The following BMPR1B variants were observed in gnomAD, a reference collection of about 807,000 sequenced individuals.
BMPR1B encodes the protein bone morphogenetic protein receptor type 1B.
Under a neutral mutation model 59.1 loss-of-function variants are expected in BMPR1B, and 12 were observed. The ratio of observed to expected loss-of-function variants is 0.20; its 90% confidence interval spans 0.13 to 0.33. The LOEUF (loss-of-function observed/expected upper bound fraction) is 0.33. Among genes scored for constraint, BMPR1B ranks in the 10% least tolerant of loss-of-function variants. BMPR1B has a pLI of 1.00. For synonymous variants in BMPR1B, 237 were observed against 207.3 expected, an observed-to-expected ratio of 1.14 and a Z score of -1.23; for missense variants, 550 against 610.9, an observed-to-expected ratio of 0.90 and a Z score of 1.05.
intron 1 of BMPR1B, among the ~76,000 whole-genome samples, chr4:94,843,949 A>T (rs1478483785): frequency 1.3e-5 from 2 of 152,160 alleles, no homozygotes; most frequent in African/African-American, 4.8e-5. Flanking sequence ...ATGAAATGTA[A>T]GCATAACCTT....
intron 10 of BMPR1B, among the ~76,000 whole-genome samples, chr4:95,141,367 T>C (rs532389121): frequency 6.6e-6 from 1 of 152,352 alleles, no homozygotes; most frequent in East Asian, 1.9e-4. Flanking sequence ...TGACTTCATA[T>C]GAGAACTTCC....
intron 4 of BMPR1B, among the ~76,000 whole-genome samples, chr4:95,107,644 C>T (rs754438633): frequency 2.6e-5 from 4 of 151,918 alleles, no homozygotes; most frequent in Non-Finnish European, 5.9e-5. Flanking sequence ...AAGAATGTAG[C>T]ACTATCTATG....
chr4:94,766,018 G>A (rs1021195214), intron 1 of BMPR1B, among the ~76,000 whole-genome samples: 1 of 152,090 alleles, frequency 6.6e-6, no homozygotes, highest in Admixed American at 6.6e-5. Context: ...TACATCATAG[G>A]GATGTTTGAG....
chr4:94,909,727 G>T (rs1254896059), intron 2 of BMPR1B, among the ~76,000 whole-genome samples: 1 of 152,024 alleles, frequency 6.6e-6, no homozygotes, highest in Non-Finnish European at 1.5e-5. Flanking sequence ...AGTTACAAGA[G>T]TTATACTATG....
At chr4:94,831,681 A>T (rs567592417) in intron 1 of BMPR1B, among the ~76,000 whole-genome samples, 5 of 152,344 alleles carry the variant, frequency 3.3e-5, no homozygotes, top group Admixed American at 6.5e-5. Flanking sequence ...AGTTGCCTAC[A>T]GCAGGGATCC....
chr4:94,945,895 T>C (rs1578834239), intron 2 of BMPR1B, among the ~76,000 whole-genome samples: 1 of 152,216 alleles, frequency 6.6e-6, no homozygotes, highest in Admixed American at 6.5e-5. Context: ...AATACTGTGA[T>C]GTGCAGAACA....
chr4:95,037,172 CT>C lies in BMPR1B; in HGVS notation c.-18+41039del, dbSNP rs551827641. Among the ~76,000 whole-genome samples, 176 of 152,230 alleles carry C rather than the reference CT, an allele frequency of 1.2e-3. 1 individual carries two copies. Among genetic ancestry groups the C allele is most frequent in the Non-Finnish European group, 1.8e-3 (120 of 68,012 alleles). On this transcript the variant is annotated intron_variant, in intron 3 of 12. Transcript: ENST00000515059. ...AGCTTCCGTGTTAGTGGAGTGCTAC[CT>C]CCCAGCATTAGAAAATGCCCAACAA...
In BMPR1B at chr4:95,141,802, TTAAAA is replaced by T. The variant is rs560008939; in HGVS notation, c.1077-6940_1077-6936del. Among the ~76,000 whole-genome samples, 647 of 152,198 alleles carry T rather than the reference TTAAAA, an allele frequency of 4.3e-3. 4 individuals carry two copies. Among genetic ancestry groups the T allele is most frequent in the African/African-American group, 0.015 (620 of 41,550 alleles). On this transcript the variant is annotated intron_variant, in intron 10 of 12. Coordinates refer to ENST00000515059, the MANE Select transcript of BMPR1B (RefSeq NM_001203.3). The stretch of plus-strand genomic sequence containing the variant: ...TGGCTTAGGGCTCTCTGGTATTAAA[TTAAAA>T]TAAAAAACCTGCAATAAAGACTAGG...
intron 4 of BMPR1B, among the ~76,000 whole-genome samples, chr4:95,108,549 G>T (rs879326386): frequency 6.6e-6 from 1 of 152,008 alleles, no homozygotes; most frequent in Non-Finnish European, 1.5e-5. Flanking sequence ...GGTTTTAGAG[G>T]CTTGTAAACT....
At chr4:95,086,787 C>G (rs1016465292) in intron 3 of BMPR1B, among the ~76,000 whole-genome samples, 2 of 152,124 alleles carry the variant, frequency 1.3e-5, no homozygotes, top group African/African-American at 4.8e-5. Flanking sequence ...CCAGGCTAAC[C>G]TTTATTTGCT....
At chr4:94,920,209 A>G (rs1402063021) in intron 2 of BMPR1B, among the ~76,000 whole-genome samples, 3 of 152,210 alleles carry the variant, frequency 2.0e-5, no homozygotes, top group African/African-American at 7.2e-5. Flanking sequence ...TAAAACTACA[A>G]ACAAAACTAC....
chr4:95,065,055 A>C (rs1183467212), intron 3 of BMPR1B, among the ~76,000 whole-genome samples: 2 of 152,198 alleles, frequency 1.3e-5, no homozygotes, highest in East Asian at 3.8e-4. Flanking sequence ...AAATGTGTCC[A>C]CAAAAAACTT....
intron 8 of BMPR1B, 44 bp from the exon 9 acceptor site, chr4:95,129,818 G>T: frequency 6.3e-7 from 1 of 1,590,360 alleles, no homozygotes; most frequent in Non-Finnish European, 8.6e-7. Context: ...AAACAAATCT[G>T]TAGCGCTGTG....
At chr4:95,116,421 G>GCGCGCGCGCGCGCGCACA in intron 6 of BMPR1B, among the ~76,000 whole-genome samples, 6 of 123,198 alleles carry the variant, frequency 4.9e-5, no homozygotes, top group African/African-American at 2.2e-4. Flanking sequence ...TTCAGCGCGC[G>GCGCGCGCGCGCGCGCACA]CACACACACA....
At chr4:94,915,956 C>G (rs1374344278) in intron 2 of BMPR1B, among the ~76,000 whole-genome samples, 1 of 152,128 alleles carries the variant, frequency 6.6e-6, no homozygotes, top group East Asian at 1.9e-4. Context: ...CACCTCCTTT[C>G]TCAGCCTCTT....
chr4:94,842,036 A>T (rs566921901), intron 1 of BMPR1B, among the ~76,000 whole-genome samples: 96 of 152,232 alleles, frequency 6.3e-4, no homozygotes, highest in African/African-American at 2.3e-3. Context: ...CTGATGATAC[A>T]CTCAGGAGTT....
chr4:94,932,718 G>C (rs946808898), intron 2 of BMPR1B, among the ~76,000 whole-genome samples: 1 of 152,016 alleles, frequency 6.6e-6, no homozygotes, highest in Non-Finnish European at 1.5e-5. Flanking sequence ...CAGATAAATA[G>C]ACATTACATT....
At chr4:94,758,563 C>T (rs1276121025) in intron 1 of BMPR1B, among the ~76,000 whole-genome samples, 1 of 152,070 alleles carries the variant, frequency 6.6e-6, no homozygotes, top group African/African-American at 2.4e-5. Flanking sequence ...GCGGGACCCG[C>T]AGGCACCCAC....
In BMPR1B at chr4:94,918,972, C is replaced by G. The variant is rs1728588139; in HGVS notation, c.-113+43072C>G. Among the ~76,000 whole-genome samples, 4 of 152,044 alleles carry G rather than the reference C, an allele frequency of 2.6e-5. No homozygotes were observed. In the South Asian group the frequency reaches 8.3e-4, roughly 32 times the overall value. The stretch of plus-strand genomic sequence containing the variant: ...TATACAAAGTTTAAACATGTGTCTG[C>G]TGAGGAGTGATGGGTTCTTCCTAGT... On this transcript the variant is annotated intron_variant, in intron 2 of 12. Coordinates refer to ENST00000515059, the MANE Select transcript of BMPR1B (RefSeq NM_001203.3).
Sources: allele counts gnomAD v4.1 joint callset (sites outside exome capture counted in the v4.1 genomes callset), GRCh38; gene constraint gnomAD v4.1.1; transcripts MANE v1.5; gene names NCBI Gene and HGNC (gene_info 2026-07-23, HGNC 2026-07-21).